The following VWA5B1 variants were observed in gnomAD, a reference collection of about 807,000 sequenced individuals.
VWA5B1 encodes von Willebrand factor A domain-containing protein 5B1.
A neutral mutation model predicts 118.2 loss-of-function variants in VWA5B1; 115 were observed. The ratio of observed to expected loss-of-function variants is 0.97; its 90% CI spans 0.84 to 1.14. The LOEUF is 1.14. VWA5B1 is among the 50% of genes most tolerant of loss of function. The pLI is 0.00. For missense variants in VWA5B1, 1,596 were observed against 1,603.8 expected (o/e 1.00, Z 0.08); for synonymous variants, 682 against 658.4 (o/e 1.04, Z -0.55).
In VWA5B1 at chr1:20,342,706, G is replaced by A. The variant is rs1430902776; in HGVS notation, c.2311+97G>A. The A allele has an allele frequency of 2.9e-6, 4 of 1,383,580 alleles. No homozygotes were observed. In the Admixed American group the frequency reaches 1.2e-4, roughly 42 times the overall value. 85.7% of individuals were successfully genotyped at this position (1,383,580 alleles called of 1,614,324 possible). A position where few individuals can be genotyped will look rare whatever the true frequency, so the allele number is the denominator to read the frequency against. ...GACAGGCCCAGAGGGCAGATGCCTG[G>A]GTCTGTCCCCTTGTGGTCTGCTGCG... On this transcript the variant is annotated intron_variant, in intron 15 of 21. Coordinates refer to ENST00000289815, the MANE Select transcript of VWA5B1 (RefSeq NM_001039500.3).
Position 20,330,295 on chromosome 1 carries a change from C to T in VWA5B1, c.1370C>T (p.Pro457Leu), listed in dbSNP as rs184902486. ...AGGCAGCCAGTGCACCGAGGCCACC[C>T]GCGGCTCCTCTTCGTGATCACAGAT... ...VIRQPVHRGH[P>L]RLLFVITDGA... is the part of the protein sequence containing the mutation. The change falls in exon 10 of 22, where the codon CCG (proline) becomes CTG (leucine). Residue 457 changes from proline to leucine, a missense_variant. Physicochemically the swap from Pro to Leu is moderately conservative, Grantham distance 98. Coordinates refer to ENST00000289815, the MANE Select transcript of VWA5B1 (RefSeq NM_001039500.3). The T allele has an allele frequency of 1.0e-5, 16 of 1,551,792 alleles. 1 individual carries two copies. Among genetic ancestry groups the T allele is most frequent in the Admixed American group, 2.0e-5 (1 of 51,004 alleles).
rs748811205 is a variant in VWA5B1 at position 20,348,204 on chromosome 1, A to T, written c.2765-41A>T. 417 of 1,534,610 alleles carry T rather than the reference A, an allele frequency of 2.7e-4. 2 individuals carry two copies. In the Middle Eastern group the frequency reaches 4.9e-3, roughly 18 times the overall value. ...TGGGGGAAAGGCAAAGGACTGGCAC[A>T]TTTGTACCCAACCACCCGCTTCCCC... On this transcript the variant is annotated intron_variant, in intron 17 of 21. Transcript: ENST00000289815.
At chr1:20,351,727 G>A (rs932814087) in intron 20 of VWA5B1, among the ~76,000 whole-genome samples, 10 of 152,094 alleles carry the variant, frequency 6.6e-5, no homozygotes, top group African/African-American at 7.2e-5. Flanking sequence ...TGGGAGGATC[G>A]CTTGAGCCCA....
intron 1 of VWA5B1, among the ~76,000 whole-genome samples, chr1:20,303,617 T>C (rs541619275): frequency 6.6e-6 from 1 of 152,146 alleles, no homozygotes; most frequent in Non-Finnish European, 1.5e-5. Context: ...CCAATTACTA[T>C]GGAAGTGGCC....
chr1:20,345,374 G>T (rs145002215), intron 16 of VWA5B1, 82 bp from the exon 17 acceptor site: 2 of 1,538,296 alleles, frequency 1.3e-6, no homozygotes, highest in South Asian at 1.2e-5. Context: ...CTTAGGTAGA[G>T]CCCCCTTTTT....
intron 5 of VWA5B1, chr1:20,318,288 G>T: frequency 2.3e-6 from 1 of 430,496 alleles, no homozygotes. Flanking sequence ...ACGGAGCGCT[G>T]AGAGCCATCT....
At chr1:20,300,373 G>C (rs939669874) in intron 1 of VWA5B1, among the ~76,000 whole-genome samples, 2 of 152,150 alleles carry the variant, frequency 1.3e-5, no homozygotes, top group African/African-American at 4.8e-5. Context: ...GAAGAGATGG[G>C]TGGCATGAAT....
Position 20,318,590 on chromosome 1 carries a change from G to A in VWA5B1, c.710G>A (p.Gly237Glu), listed in dbSNP as rs865999817. 35 of 1,551,274 alleles carry A rather than the reference G, an allele frequency of 2.3e-5. No individual in the cohort carries two copies. In the African/African-American group the frequency reaches 4.0e-4, roughly 18 times the overall value. ...CCCCTTGCCTTTCTATGCCACTCAGGGGTGGAGAGTCCCACTCATGAGATT... is the reference window on the plus strand; with the variant it reads ...CCCCTTGCCTTTCTATGCCACTCAGAGGTGGAGAGTCCCACTCATGAGATT... ...LEIRGPCLLA[G>E]VESPTHEIRA... The change falls in exon 6 of 22, where the codon GGG (glycine) becomes GAG (glutamate). Residue 237 changes from glycine (G) to glutamate (E), a missense_variant and splice_region_variant. Physicochemically the swap from Gly to Glu is moderately conservative, Grantham distance 98. Transcript: ENST00000289815.
intron 1 of VWA5B1, among the ~76,000 whole-genome samples, chr1:20,291,773 G>T (rs1282069997): frequency 6.6e-6 from 1 of 152,216 alleles, no homozygotes; most frequent in Non-Finnish European, 1.5e-5. Context: ...CTCCTGCAAG[G>T]TAAGAGGGGA....
chr1:20,302,774 G>A (rs867434723), intron 1 of VWA5B1, among the ~76,000 whole-genome samples: 9 of 152,238 alleles, frequency 5.9e-5, no homozygotes, highest in African/African-American at 1.9e-4. Flanking sequence ...CATTGAAGCT[G>A]GCCTTGAAGG....
intron 8 of VWA5B1, among the ~76,000 whole-genome samples, chr1:20,324,842 G>C (rs1416542798): frequency 6.6e-6 from 1 of 152,166 alleles, no homozygotes. Context: ...TGACACAGGG[G>C]TGTAGTAGGG....
chr1:20,332,156 C>T lies in VWA5B1; in HGVS notation c.1573-610C>T, dbSNP rs1076623. 3.0e-4 allele frequency among the ~76,000 whole-genome samples: 45 copies of T among 152,084 alleles called. 1 individual carries two copies. Among genetic ancestry groups the T allele is most frequent in the African/African-American group, 1.1e-3 (44 of 41,454 alleles). ...TGCCCTTGGGCTAGTCACAGCCCTACTTTGAGCCTCAGATTTTCTCATTTA... is the reference window on the plus strand; with the variant it reads ...TGCCCTTGGGCTAGTCACAGCCCTATTTTGAGCCTCAGATTTTCTCATTTA... On this transcript the variant is annotated intron_variant, in intron 11 of 21. Transcript: ENST00000289815.
intron 4 of VWA5B1, among the ~76,000 whole-genome samples, chr1:20,316,469 G>C (rs890703285): frequency 1.2e-4 from 19 of 152,166 alleles, no homozygotes; most frequent in African/African-American, 4.3e-4. Flanking sequence ...AAGAGATCGA[G>C]GGAGACTCAT....
chr1:20,314,197 C>A, intron 3 of VWA5B1, 125 bp from the exon 4 acceptor site: 1 of 995,676 alleles, frequency 1.0e-6, no homozygotes, highest in Non-Finnish European at 1.5e-6. Flanking sequence ...TCACAAGTCA[C>A]ACCCTCAAGC....
At chr1:20,318,275 C>T (rs1027205435) in intron 5 of VWA5B1, 4 of 396,462 alleles carry the variant, frequency 1.0e-5, no homozygotes, top group African/African-American at 2.1e-5. Flanking sequence ...AAAGCACCCT[C>T]CGACGGAGCG....
intron 7 of VWA5B1, among the ~76,000 whole-genome samples, chr1:20,321,482 G>A (rs1304330118): frequency 6.6e-6 from 1 of 152,226 alleles, no homozygotes; most frequent in Non-Finnish European, 1.5e-5. Context: ...CTACTCGGGA[G>A]GCTGAGGCAG....
chr1:20,301,174 A>G (rs1557827283), intron 1 of VWA5B1, among the ~76,000 whole-genome samples: 1 of 152,350 alleles, frequency 6.6e-6, no homozygotes, highest in East Asian at 1.9e-4. Context: ...TGAGGGCTGT[A>G]GGTGGCCAGA....
chr1:20,352,596 G>A (rs990908003), intron 21 of VWA5B1, among the ~76,000 whole-genome samples: 1 of 152,178 alleles, frequency 6.6e-6, no homozygotes, highest in African/African-American at 2.4e-5. Context: ...AACTGGGTCT[G>A]CAGACACCTC....
At chr1:20,317,745 C>A in intron 5 of VWA5B1, 70 bp downstream of exon 5, 4 of 1,092,768 alleles carry the variant, frequency 3.7e-6, no homozygotes, top group Non-Finnish European at 3.8e-6. Flanking sequence ...AGGGATGGGA[C>A]GGGGGTGGGA....
Sources: allele counts gnomAD v4.1 joint callset (sites outside exome capture counted in the v4.1 genomes callset), GRCh38; gene constraint gnomAD v4.1.1; transcripts MANE v1.5; gene names NCBI Gene and HGNC (gene_info 2026-07-23, HGNC 2026-07-21).